SGMS1: variants seen among roughly 807,000 people sequenced by gnomAD.
SGMS1 encodes phosphatidylcholine:ceramide cholinephosphotransferase 1.
SGMS1 carries 13 observed loss-of-function variants against 46.2 expected under a neutral mutation model. The ratio of observed to expected loss-of-function variants is 0.28; its 90% confidence interval spans 0.18 to 0.45. The LOEUF (loss-of-function observed/expected upper bound fraction) is 0.45. Ranked by LOEUF, SGMS1 falls within the 20% of genes least tolerant of loss-of-function variation. SGMS1 has a pLI of 1.00. For missense variants in SGMS1, 324 were observed against 519.9 expected (o/e 0.62, Z 3.66); for synonymous variants, 203 against 187.8 (o/e 1.08, Z -0.66).
chr10:50,617,251 A>G (rs934537205), intron 1 of SGMS1, among the ~76,000 whole-genome samples: 13 of 152,232 alleles, frequency 8.5e-5, no homozygotes, highest in African/African-American at 3.1e-4. Flanking sequence ...ATTTTATGTT[A>G]TGTGTATTTT....
At chr10:50,341,252 A>G in intron 7 of SGMS1, 1 of 448,202 alleles carries the variant, frequency 2.2e-6, no homozygotes, top group African/African-American at 2.0e-5. Context: ...TAGTTTATCC[A>G]TCTTCACTGC....
rs1849223821 is a variant in SGMS1 at position 50,419,302 on chromosome 10, G to A, written c.-232+14174C>T. Among the ~76,000 whole-genome samples, 4 of 152,154 alleles carry A rather than the reference G, an allele frequency of 2.6e-5. No homozygotes were observed. The South Asian group carries it at 8.3e-4, about 32-fold the overall frequency. On this transcript the variant is annotated intron_variant, in intron 6 of 10. Transcript: ENST00000361781. Reference sequence around the variant, plus strand: ...GTCCTGAATCCGAATCTCCAAAATTGTAAACAAACTGGCTCGTAATTTTCA... The same window carrying A: ...GTCCTGAATCCGAATCTCCAAAATTATAAACAAACTGGCTCGTAATTTTCA...
At chr10:50,466,619 T>C (rs544583088) in intron 4 of SGMS1, among the ~76,000 whole-genome samples, 10 of 152,176 alleles carry the variant, frequency 6.6e-5, no homozygotes, top group Non-Finnish European at 1.5e-4. Context: ...GTCAGATATG[T>C]ATGTAAAGAG....
intron 1 of SGMS1, among the ~76,000 whole-genome samples, chr10:50,596,799 A>G (rs1392309210): frequency 6.6e-6 from 1 of 152,190 alleles, no homozygotes; most frequent in Admixed American, 6.5e-5. Context: ...AAAACCCCTC[A>G]CTCAACAACC....
At chr10:50,340,081 AGGAAGAAAAAGTT>A (rs947032544) in intron 7 of SGMS1, among the ~76,000 whole-genome samples, 3 of 152,222 alleles carry the variant, frequency 2.0e-5, no homozygotes, top group African/African-American at 7.2e-5. Flanking sequence ...GCCAGATACG[AGGAAGAAAAAGTT>A]GGAAGAAAAA....
In SGMS1 at chr10:50,495,074, A is replaced by AC. The variant is rs377289291; in HGVS notation, c.-498+24756_-498+24757insG. On this transcript the variant is annotated intron_variant, in intron 3 of 10. Coordinates refer to ENST00000361781, the MANE Select transcript of SGMS1 (RefSeq NM_147156.4). ...AAATAAAAAAAAATACAAAAAATAC[A>AC]AAAAAAAAAAAAAATTAGCCGGACG... is the stretch of plus-strand genomic sequence containing the variant. Among the ~76,000 whole-genome samples, 38 of 10,662 alleles carry AC rather than the reference A, an allele frequency of 3.6e-3. 3 individuals are homozygous for AC. Among genetic ancestry groups the AC allele is most frequent in the African/African-American group, 5.7e-3 (27 of 4,758 alleles). 7.0% of individuals were successfully genotyped at this position (10,662 alleles called of 152,430 possible).
intron 2 of SGMS1, among the ~76,000 whole-genome samples, chr10:50,542,159 A>G (rs375976988): frequency 1.6e-4 from 24 of 152,226 alleles, no homozygotes; most frequent in African/African-American, 5.5e-4. Context: ...AAAGAAACTG[A>G]ACACAGTCAC....
At chr10:50,455,090 G>A (rs896536454) in intron 5 of SGMS1, among the ~76,000 whole-genome samples, 2 of 152,038 alleles carry the variant, frequency 1.3e-5, no homozygotes, top group African/African-American at 2.4e-5. Context: ...TTGTGTTCTA[G>A]TATCTAGGAA....
chr10:50,396,090 C>T (rs1848844466), intron 6 of SGMS1, among the ~76,000 whole-genome samples: 2 of 152,146 alleles, frequency 1.3e-5, no homozygotes, highest in South Asian at 2.1e-4. Flanking sequence ...TCCTCCCTTT[C>T]CATGATGAAA....
chr10:50,500,566 C>T (rs1837653899), intron 3 of SGMS1, among the ~76,000 whole-genome samples: 1 of 151,904 alleles, frequency 6.6e-6, no homozygotes, highest in Admixed American at 6.6e-5. Context: ...ACATTGACAC[C>T]TTTAATTTCT....
chr10:50,624,876 A>T (rs1394736688), upstream of SGMS1: 3 of 999,210 alleles, frequency 3.0e-6, no homozygotes, highest in African/African-American at 1.7e-5. Context: ...GGGGTCGGGG[A>T]CTTGGCGAGC....
At chr10:50,324,786 A>G (rs1248960061) in intron 8 of SGMS1, among the ~76,000 whole-genome samples, 1 of 152,230 alleles carries the variant, frequency 6.6e-6, no homozygotes, top group Non-Finnish European at 1.5e-5. Context: ...TGACACCACA[A>G]AGAAACAAAT....
chr10:50,355,868 C>T (rs868515723), intron 6 of SGMS1, among the ~76,000 whole-genome samples: 3 of 151,886 alleles, frequency 2.0e-5, no homozygotes, highest in South Asian at 2.1e-4. Context: ...ATGTGAAGAG[C>T]GCCTCTGCCC....
At chr10:50,446,066 C>A (rs1416928651) in intron 5 of SGMS1, among the ~76,000 whole-genome samples, 1 of 152,138 alleles carries the variant, frequency 6.6e-6, no homozygotes, top group Non-Finnish European at 1.5e-5. Context: ...TTTGGTCAGA[C>A]CGGTTGTCTG....
intron 7 of SGMS1, among the ~76,000 whole-genome samples, chr10:50,328,509 G>C (rs1002745340): frequency 1.3e-5 from 2 of 152,150 alleles, no homozygotes; most frequent in African/African-American, 2.4e-5. Flanking sequence ...GTTTTAAAAA[G>C]AGAAACAAAG....
intron 6 of SGMS1, among the ~76,000 whole-genome samples, chr10:50,429,613 A>G (rs1381191944): frequency 6.6e-6 from 1 of 152,100 alleles, no homozygotes; most frequent in Non-Finnish European, 1.5e-5. Flanking sequence ...GAATTTGTTA[A>G]AATTCATTAA....
At chr10:50,503,186 T>C (rs1837676218) in intron 3 of SGMS1, among the ~76,000 whole-genome samples, 2 of 152,186 alleles carry the variant, frequency 1.3e-5, no homozygotes, top group Non-Finnish European at 2.9e-5. Context: ...CCCTTGTCAC[T>C]GATGGGGAAA....
At chr10:50,401,371 T>C (rs1848938254) in intron 6 of SGMS1, among the ~76,000 whole-genome samples, 1 of 152,222 alleles carries the variant, frequency 6.6e-6, no homozygotes, top group Non-Finnish European at 1.5e-5. Flanking sequence ...AAAAACTCTT[T>C]GATGGAGACA....
chr10:50,335,926 T>C (rs757310138), intron 7 of SGMS1: 1 of 152,198 alleles, frequency 6.6e-6, no homozygotes, highest in Non-Finnish European at 1.5e-5. Context: ...TTACTAACTT[T>C]AGAGAAAAAT....
Sources: gnomAD v4.1 joint callset for allele counts (sites outside exome capture counted in the v4.1 genomes callset) on GRCh38, gnomAD v4.1.1 for gene constraint, MANE v1.5 for transcripts, NCBI Gene and HGNC (gene_info 2026-07-23, HGNC 2026-07-21) for gene names.